The following BRINP3 variants were observed in gnomAD, a reference collection of about 807,000 sequenced individuals.
BRINP3 encodes the protein BMP/retinoic acid-inducible neural-specific protein 3.
Under a neutral mutation model 71.0 loss-of-function variants are expected in BRINP3, and 19 were observed. That is an observed-to-expected ratio of 0.27 (90% confidence interval 0.19 to 0.39). The LOEUF is 0.39. Among genes scored for constraint, BRINP3 ranks in the 10% least tolerant of loss-of-function variants. The probability of loss-of-function intolerance (pLI) is 1.00; values close to 1 mark genes in which losing one functional copy is unlikely to be tolerated. For missense variants in BRINP3, 959 were observed against 940.8 expected, an observed-to-expected ratio of 1.02 and a Z score of -0.25; for synonymous variants, 380 against 337.7, an observed-to-expected ratio of 1.13 and a Z score of -1.37.
chr1:190,259,451 A>G (rs1364663565), intron 4 of BRINP3, among the ~76,000 whole-genome samples: 6 of 151,616 alleles, frequency 4.0e-5, no homozygotes, highest in Middle Eastern at 3.2e-3. Context: ...TGTAAAAAAC[A>G]CTCACCAAGC....
intron 3 of BRINP3, among the ~76,000 whole-genome samples, chr1:190,266,895 T>C (rs1262727721): frequency 6.6e-6 from 1 of 152,158 alleles, no homozygotes; most frequent in East Asian, 1.9e-4. Context: ...TTGGTAAATG[T>C]AGATTAAAAA....
At chr1:190,236,639 C>A (rs182321803) in intron 4 of BRINP3, among the ~76,000 whole-genome samples, 3 of 151,988 alleles carry the variant, frequency 2.0e-5, no homozygotes, top group African/African-American at 7.2e-5. Context: ...TAATTATTCT[C>A]CACCTACTAT....
chr1:190,455,626 T>A (rs112022785), intron 1 of BRINP3, among the ~76,000 whole-genome samples: 71 of 152,154 alleles, frequency 4.7e-4, no homozygotes, highest in African/African-American at 1.7e-3. Flanking sequence ...CATTATTCTG[T>A]TAGGAAAAAA....
chr1:190,119,829 C>T (rs1326214871), intron 7 of BRINP3, among the ~76,000 whole-genome samples: 1 of 152,224 alleles, frequency 6.6e-6, no homozygotes, highest in Non-Finnish European at 1.5e-5. Context: ...TAAGCATCAT[C>T]TAACATGGAG....
intron 7 of BRINP3, among the ~76,000 whole-genome samples, chr1:190,126,585 T>C (rs1221578696): frequency 6.6e-6 from 1 of 151,954 alleles, no homozygotes; most frequent in Non-Finnish European, 1.5e-5. Context: ...CTGACGATGC[T>C]CAGTGTCTTT....
At chr1:190,361,367 T>C (rs1365631126) in intron 2 of BRINP3, among the ~76,000 whole-genome samples, 1 of 151,848 alleles carries the variant, frequency 6.6e-6, no homozygotes, top group African/African-American at 2.4e-5. Flanking sequence ...ATATGTAATT[T>C]AGGAAAATAT....
At position 190,201,587 on chromosome 1, in the gene BRINP3, T is replaced by C. The variant is rs562893121; in HGVS notation, c.961+24495A>G. ...CAGGACTTTATGGCAGCCTCTCCTA[T>C]TGCAGTCCCAGAAACCTAGGAGAAA... On this transcript the variant is annotated intron_variant, in intron 6 of 7. Transcript: ENST00000367462. 7.9e-5 allele frequency among the ~76,000 whole-genome samples: 12 copies of C among 152,286 alleles called. No individual in the cohort carries two copies. The East Asian group carries it at 2.1e-3, about 27-fold the overall frequency.
intron 6 of BRINP3, among the ~76,000 whole-genome samples, chr1:190,203,750 AATATATAT>A (rs553650706): frequency 4.8e-4 from 19 of 39,346 alleles, no homozygotes; most frequent in Non-Finnish European, 6.7e-4. Context: ...CACTAAAGAA[AATATATAT>A]ATATATATAT....
At chr1:190,392,873 T>C (rs1166817335) in intron 2 of BRINP3, among the ~76,000 whole-genome samples, 1 of 151,682 alleles carries the variant, frequency 6.6e-6, no homozygotes, top group Non-Finnish European at 1.5e-5. Flanking sequence ...TAAAATGCTA[T>C]TAGTAAAATG....
chr1:190,258,890 G>T (rs1412639360), intron 4 of BRINP3, among the ~76,000 whole-genome samples: 1 of 152,130 alleles, frequency 6.6e-6, no homozygotes, highest in African/African-American at 2.4e-5. Flanking sequence ...TGTAATCTTA[G>T]CACTTGGGGT....
intron 2 of BRINP3, among the ~76,000 whole-genome samples, chr1:190,291,099 A>G (rs940145581): frequency 6.6e-6 from 1 of 152,154 alleles, no homozygotes. Flanking sequence ...GTATAGATTA[A>G]TCTTTTATTG....
rs191747863 is a variant in BRINP3, at chr1:190,402,749, T to G, written c.236+51906A>C. ...TTTATTTATTCATTTATCTATTTAT[T>G]TGAGACAGGTCTCATTCTGTCCCCC... On this transcript the variant is annotated intron_variant, in intron 2 of 7. Transcript: ENST00000367462. Among the ~76,000 whole-genome samples the G allele has an allele frequency of 2.6e-5, 4 of 152,338 alleles. No homozygotes were observed. In the East Asian group the frequency reaches 7.7e-4, roughly 29 times the overall value.
At chr1:190,181,230 T>C (rs1423208394) in intron 6 of BRINP3, among the ~76,000 whole-genome samples, 2 of 152,118 alleles carry the variant, frequency 1.3e-5, no homozygotes, top group African/African-American at 4.8e-5. Flanking sequence ...TTATTGTCTG[T>C]ACCAGTATAC....
intron 2 of BRINP3, among the ~76,000 whole-genome samples, chr1:190,371,136 C>T (rs952666809): frequency 6.6e-6 from 1 of 152,110 alleles, no homozygotes; most frequent in Non-Finnish European, 1.5e-5. Context: ...AGACTACTCA[C>T]TCTGTTTCTT....
At chr1:190,300,348 C>T (rs2102993436) in intron 2 of BRINP3, among the ~76,000 whole-genome samples, 1 of 152,222 alleles carries the variant, frequency 6.6e-6, no homozygotes, top group South Asian at 2.1e-4. Context: ...GCATCGGCTC[C>T]TGAGGCTTCT....
At chr1:190,356,350 AC>A in intron 2 of BRINP3, among the ~76,000 whole-genome samples, 1 of 152,046 alleles carries the variant, frequency 6.6e-6, no homozygotes, top group East Asian at 1.9e-4. Flanking sequence ...TTTTCCTATG[AC>A]CCGATAAGAA....
chr1:190,408,308 T>C (rs1350710908), intron 2 of BRINP3, among the ~76,000 whole-genome samples: 1 of 152,064 alleles, frequency 6.6e-6, no homozygotes, highest in Non-Finnish European at 1.5e-5. Context: ...CCTCTCAAAG[T>C]GCTGGGATTA....
chr1:190,301,003 A>G (rs1388402031), intron 2 of BRINP3, among the ~76,000 whole-genome samples: 2 of 151,860 alleles, frequency 1.3e-5, no homozygotes, highest in Non-Finnish European at 2.9e-5. Flanking sequence ...CATTCAAAGC[A>G]AAGGCAAAGA....
intron 6 of BRINP3, among the ~76,000 whole-genome samples, chr1:190,207,303 C>A (rs939138758): frequency 1.3e-5 from 2 of 152,048 alleles, no homozygotes; most frequent in Admixed American, 6.6e-5. Flanking sequence ...ACTTGCATAG[C>A]CAGTGCGACA....
Sources: gnomAD v4.1 joint callset for allele counts (sites outside exome capture counted in the v4.1 genomes callset) on GRCh38, gnomAD v4.1.1 for gene constraint, MANE v1.5 for transcripts, NCBI Gene and HGNC (gene_info 2026-07-23, HGNC 2026-07-21) for gene names.